Variants in STX11 observed in about 807,000 individuals in gnomAD.
The protein encoded by STX11 is syntaxin 11.
Under a neutral mutation model 19.9 loss-of-function variants are expected in STX11, and 21 were observed. The ratio of observed to expected loss-of-function variants is 1.06; its 90% confidence interval spans 0.75 to 1.52. The LOEUF (loss-of-function observed/expected upper bound fraction) is 1.52, where lower values mean the gene tolerates loss of function less well. Ranked by LOEUF, STX11 falls within the 40% of genes most tolerant of loss-of-function variation. The pLI, the probability that STX11 is intolerant of heterozygous loss-of-function variation, is 0.00. For synonymous variants in STX11, 193 were observed against 174.4 expected, an observed-to-expected ratio of 1.11 and a Z score of -0.84; for missense variants, 438 against 405.9, an observed-to-expected ratio of 1.08 and a Z score of -0.68.
At chr6:144,146,249 C>T (rs902513356), upstream of STX11, among the ~76,000 whole-genome samples, 3 of 152,166 alleles carry the variant, frequency 2.0e-5, no homozygotes, top group South Asian at 2.1e-4. This position sits in a 1 kb window ranked among gnomAD's most constrained non-coding sequence, Gnocchi z 4.4. Context: ...GCAACTGCCA[C>T]GCCCCGCACC....
rs1012349581 is a variant in STX11 at position 144,183,630 on chromosome 6, T to A, written c.-5-2993T>A. ...AGGAGTTTTAAATTAGACTTTTTTT[T>A]AATCTAGAAAAAAAATTTAATGTAC... is the stretch of plus-strand genomic sequence containing the variant. On this transcript the variant is annotated intron_variant, in intron 1 of 1. Coordinates refer to ENST00000367568, the MANE Select transcript of STX11 (RefSeq NM_003764.4). This position sits in a 1 kb window ranked among gnomAD's most constrained non-coding sequence, Gnocchi z 4.6. Among the ~76,000 whole-genome samples the A allele has an allele frequency of 3.3e-5, 5 of 152,228 alleles. No individual in the cohort carries two copies. Among genetic ancestry groups the A allele is most frequent in the African/African-American group, 1.2e-4 (5 of 41,460 alleles).
At chr6:144,168,786 C>G (rs1475056684) in intron 1 of STX11, among the ~76,000 whole-genome samples, 1 of 152,244 alleles carries the variant, frequency 6.6e-6, no homozygotes, top group African/African-American at 2.4e-5. Flanking sequence ...TGCCTCTCTT[C>G]ACTGCTGCTA....
At chr6:144,140,259 TTTA>T in the STX11 span, among the ~76,000 whole-genome samples, 4 of 57,862 alleles carry the variant, frequency 6.9e-5, no homozygotes, top group African/African-American at 5.1e-4. Flanking sequence ...TATATATTTA[TTTA>T]TTTATTTTTT....
chr6:144,186,996 A>G lies in STX11; in HGVS notation c.369A>G (p.Ala123=), dbSNP rs763493074. Residue 123 remains alanine (A), a synonymous_variant, in exon 2 of 2, where the codon GCA becomes GCG. Transcript: ENST00000367568. ...AAEAQHGPHS[A]VARISRAQYN... The stretch of plus-strand genomic sequence containing the variant: ...AGGCCCAGCACGGCCCGCACTCGGC[A>G]GTGGCGCGCATTTCGCGGGCGCAGT... 4 of 1,610,166 alleles carry G rather than the reference A, an allele frequency of 2.5e-6. No individual in the cohort carries two copies. Among genetic ancestry groups the G allele is most frequent in the Non-Finnish European group, 2.5e-6 (3 of 1,179,652 alleles).
chr6:144,156,578 G>A (rs1335835335), intron 1 of STX11, among the ~76,000 whole-genome samples: 2 of 152,102 alleles, frequency 1.3e-5, no homozygotes, highest in African/African-American at 4.8e-5. Flanking sequence ...ATCTTCCTAT[G>A]GAAACAGTAA....
In STX11 at chr6:144,165,616, A is replaced by G. The variant is rs1288318343; in HGVS notation, c.-6+14913A>G. ...ATGCTGTAACTTGAGTTATAGGAGT[A>G]ATATAAAAACTAATAATAGAATCAT... On this transcript the variant is annotated intron_variant, in intron 1 of 1. Coordinates refer to ENST00000367568, the MANE Select transcript of STX11 (RefSeq NM_003764.4). The surrounding 1 kb of genome is among the most constrained non-coding windows in gnomAD (Gnocchi z 5.8). Among the ~76,000 whole-genome samples the G allele has an allele frequency of 6.6e-6, 1 of 152,214 alleles. No homozygotes were observed.
At position 144,169,679 on chromosome 6, in the gene STX11, T is replaced by TCCTTCCTC. The variant is rs1316919361; in HGVS notation, c.-5-16937_-5-16936insCCCTTCCT. 6.8e-6 allele frequency among the ~76,000 whole-genome samples: 1 copy of TCCTTCCTC among 146,886 alleles called. No individual in the cohort carries two copies. Among genetic ancestry groups the TCCTTCCTC allele is most frequent in the African/African-American group, 2.5e-5 (1 of 40,212 alleles). The stretch of plus-strand genomic sequence containing the variant: ...TCCCTCCCTCCCTTCCTTCCTTCCT[T>TCCTTCCTC]CCTTCCTTCTTTCTTTCCTTCCTAC... On this transcript the variant is annotated intron_variant, in intron 1 of 1. Coordinates refer to ENST00000367568, the MANE Select transcript of STX11 (RefSeq NM_003764.4). This position sits in a 1 kb window ranked among gnomAD's most constrained non-coding sequence, Gnocchi z 5.2.
At chr6:144,140,754 G>T in the STX11 span, 1 of 985,278 alleles carries the variant, frequency 1.0e-6, no homozygotes, top group Non-Finnish European at 1.2e-6. Context: ...AGCCTCAAGG[G>T]GATGAAATGG....
In STX11 at chr6:144,165,514, CT is replaced by C. The variant is rs893400300; in HGVS notation, c.-6+14813del. On this transcript the variant is annotated intron_variant, in intron 1 of 1. Coordinates refer to ENST00000367568, the MANE Select transcript of STX11 (RefSeq NM_003764.4). This position sits in a 1 kb window ranked among gnomAD's most constrained non-coding sequence, Gnocchi z 5.8. Reference sequence around the variant, plus strand: ...TCTTTACAATAAGTGAGTTTGTTTTCTTAGCTCCTTTTATATAGTGAGTACA... The same window carrying C: ...TCTTTACAATAAGTGAGTTTGTTTTCTAGCTCCTTTTATATAGTGAGTACA... 3.3e-5 allele frequency among the ~76,000 whole-genome samples: 5 copies of C among 151,950 alleles called. No homozygotes were observed. The highest frequency in any genetic ancestry group is 9.7e-5 in the African/African-American group (4 of 41,398).
Position 144,152,426 on chromosome 6 carries a change from G to A in STX11, c.-6+1723G>A, listed in dbSNP as rs889439228. 2.0e-5 allele frequency among the ~76,000 whole-genome samples: 3 copies of A among 152,150 alleles called. No individual in the cohort carries two copies. In the East Asian group the frequency reaches 5.8e-4, roughly 29 times the overall value. ...TTTAGTCATTTACTTGTCTTTGTAGGCAGCCTATTCTTCATTTGATACATG... is the reference window on the plus strand; with the variant it reads ...TTTAGTCATTTACTTGTCTTTGTAGACAGCCTATTCTTCATTTGATACATG... On this transcript the variant is annotated intron_variant, in intron 1 of 1. Coordinates refer to ENST00000367568, the MANE Select transcript of STX11 (RefSeq NM_003764.4). The surrounding 1 kb of genome is among the most constrained non-coding windows in gnomAD (Gnocchi z 4.9).
chr6:144,179,846 G>A (rs1447559860), intron 1 of STX11, among the ~76,000 whole-genome samples: 1 of 152,122 alleles, frequency 6.6e-6, no homozygotes, highest in Non-Finnish European at 1.5e-5. Flanking sequence ...GTTTACAATT[G>A]GTATAAAATT....
At chr6:144,140,815 G>C in the STX11 span, 9 of 985,028 alleles carry the variant, frequency 9.1e-6, no homozygotes, top group Non-Finnish European at 1.1e-5. Context: ...CCAAAGTAAG[G>C]CTTCTTGGCA....
intron 1 of STX11, among the ~76,000 whole-genome samples, chr6:144,164,512 T>C (rs906956047): frequency 6.6e-6 from 1 of 152,192 alleles, no homozygotes; most frequent in East Asian, 1.9e-4. Context: ...TTTGGACATA[T>C]AAAAAGATAT....
At chr6:144,146,136 T>G (rs953999760), upstream of STX11, among the ~76,000 whole-genome samples, 2 of 152,236 alleles carry the variant, frequency 1.3e-5, no homozygotes, top group Non-Finnish European at 2.9e-5. The surrounding 1 kb of genome is among the most constrained non-coding windows in gnomAD (Gnocchi z 4.4). Context: ...AGGGTGGCTG[T>G]GCTAGAGGAC....
intron 1 of STX11, among the ~76,000 whole-genome samples, chr6:144,166,167 A>G (rs1801471871): frequency 1.3e-5 from 2 of 152,210 alleles, no homozygotes; most frequent in South Asian, 4.1e-4. Flanking sequence ...TACCACCACT[A>G]ACAATGAAAC....
At chr6:144,142,217 A>T in the STX11 span, among the ~76,000 whole-genome samples, 1 of 152,056 alleles carries the variant, frequency 6.6e-6, no homozygotes, top group African/African-American at 2.4e-5. Flanking sequence ...TGCTTAGCAC[A>T]TTGTAACCAA....
rs1011974875 is a variant in STX11, at chr6:144,170,967, T to A, written c.-5-15656T>A. On this transcript the variant is annotated intron_variant, in intron 1 of 1. Coordinates refer to ENST00000367568, the MANE Select transcript of STX11 (RefSeq NM_003764.4). The surrounding 1 kb of genome is among the most constrained non-coding windows in gnomAD (Gnocchi z 4.7). ...ATCCTATGAGGTAATTATTTATACA[T>A]GGAGAAGACCAGGTATAGAGAAGAT... Among the ~76,000 whole-genome samples the A allele has an allele frequency of 6.6e-6, 1 of 152,192 alleles. No homozygotes were observed. The highest frequency in any genetic ancestry group is 2.4e-5 in the African/African-American group (1 of 41,442).
rs572890550 is a variant in STX11, at chr6:144,175,598, C to T, written c.-5-11025C>T. On this transcript the variant is annotated intron_variant, in intron 1 of 1. Transcript: ENST00000367568. The surrounding 1 kb of genome is among the most constrained non-coding windows in gnomAD (Gnocchi z 5.1). ...CTGGGATTACAGGCATGAGCCACCG[C>T]GCCCAGCCTTAATAACACTCTTTTA... is the stretch of plus-strand genomic sequence containing the variant. Among the ~76,000 whole-genome samples, 6 of 152,262 alleles carry T rather than the reference C, an allele frequency of 3.9e-5. No individual in the cohort carries two copies. The highest frequency in any genetic ancestry group is 1.3e-4 in the Admixed American group (2 of 15,298).
At chr6:144,161,715 C>G (rs755566275) in intron 1 of STX11, among the ~76,000 whole-genome samples, 2 of 152,112 alleles carry the variant, frequency 1.3e-5, no homozygotes, top group Non-Finnish European at 2.9e-5. Flanking sequence ...ACTTCAAGTG[C>G]TATGGATAGT....
Sources: gnomAD v4.1 joint callset for allele counts (sites outside exome capture counted in the v4.1 genomes callset) on GRCh38, gnomAD v4.1.1 for gene constraint, Gnocchi (gnomAD v3.1) non-coding constraint, MANE v1.5 for transcripts, NCBI Gene and HGNC (gene_info 2026-07-23, HGNC 2026-07-21) for gene names.